Variants in A2M observed in about 807,000 individuals in gnomAD.
A2M encodes the protein C3 and PZP-like alpha-2-macroglobulin domain-containing protein 5.
A2M carries 128 observed loss-of-function variants against 183.9 expected under a neutral mutation model. The observed-to-expected ratio is 0.70, with a 90% CI of 0.60 to 0.81. The LOEUF (loss-of-function observed/expected upper bound fraction) is 0.81, where lower values mean the gene tolerates loss of function less well. Among genes scored for constraint, A2M ranks in the 30% least tolerant of loss-of-function variants. A2M has a pLI of 0.00. For missense variants in A2M, 1,495 were observed against 1,787.6 expected (o/e 0.84, Z 2.95); for synonymous variants, 592 against 670.8 (o/e 0.88, Z 1.81).
At chr12:9,074,432 C>A in intron 29 of A2M, 128 bp downstream of exon 29, 1 of 904,932 alleles carries the variant, frequency 1.1e-6, no homozygotes. Context: ...TCCTTGGATA[C>A]TGAAAACTTT....
chr12:9,080,258 G>C, intron 22 of A2M, 81 bp from the exon 23 acceptor site: 3 of 920,054 alleles, frequency 3.3e-6, no homozygotes, highest in Non-Finnish European at 5.1e-6. Context: ...CCAGAAGCTA[G>C]GACTATGCCT....
At chr12:9,070,697 C>G in intron 31 of A2M, 119 bp from the exon 32 acceptor site, 1 of 676,734 alleles carries the variant, frequency 1.5e-6, no homozygotes, top group Non-Finnish European at 2.5e-6. Flanking sequence ...TCCCAAATAT[C>G]TTATCCCAGT....
rs1462741243 is a variant in A2M at position 9,080,078 on chromosome 12, G to T, written c.2854+16C>A. 2 of 1,546,416 alleles carry T rather than the reference G, an allele frequency of 1.3e-6. No individual in the cohort carries two copies. The highest frequency in any genetic ancestry group is 2.7e-5 in the African/African-American group (2 of 72,916). Reference sequence around the variant, plus strand: ...AAGCTGTTAATGCCCGGATCCACTAGGGGCTGGAGACTCACCCAAAACTGA... The same window carrying T: ...AAGCTGTTAATGCCCGGATCCACTATGGGCTGGAGACTCACCCAAAACTGA... On this transcript the variant is annotated intron_variant, in intron 23 of 35. Coordinates refer to ENST00000318602, the MANE Select transcript of A2M (RefSeq NM_000014.6).
chr12:9,093,826 C>G (rs988250446), intron 17 of A2M, among the ~76,000 whole-genome samples: 1 of 146,744 alleles, frequency 6.8e-6, no homozygotes, highest in African/African-American at 2.7e-5. Flanking sequence ...TTTGAGAGGC[C>G]GAGGCCGAGA....
chr12:9,111,603 T>C, intron 4 of A2M: 1 of 451,648 alleles, frequency 2.2e-6, no homozygotes, highest in Non-Finnish European at 4.4e-6. Flanking sequence ...CATAATCTTT[T>C]GTCTTTGGAG....
In A2M at chr12:9,076,904, C is replaced by G. The variant is rs1336593475; in HGVS notation, c.3384G>C (p.Leu1128=). The change falls in exon 28 of 36, where the codon CTG becomes CTC. Residue 1128 remains leucine (L), a synonymous_variant. Coordinates refer to ENST00000318602, the MANE Select transcript of A2M (RefSeq NM_000014.6). Reference sequence around the variant, plus strand: ...CTTGTGCTGTCTTCCAGGCTGACTCCAGGCAAAACAGGGCATTGCGGACAA... The same window carrying G: ...CTTGTGCTGTCTTCCAGGCTGACTCGAGGCAAAACAGGGCATTGCGGACAA... ...HPVVRNALFC[L]ESAWKTAQEG... 5 of 1,607,158 alleles carry G rather than the reference C, an allele frequency of 3.1e-6. No homozygotes were observed. The Admixed American group carries it at 5.0e-5, about 16-fold the overall frequency.
chr12:9,076,094 T>C (rs1029336293), intron 28 of A2M, among the ~76,000 whole-genome samples: 2 of 152,188 alleles, frequency 1.3e-5, no homozygotes, highest in Non-Finnish European at 2.9e-5. Context: ...TTGGTCAACA[T>C]TATTGGTCTT....
chr12:9,096,531 C>T (rs931438051), intron 15 of A2M, among the ~76,000 whole-genome samples: 3 of 152,204 alleles, frequency 2.0e-5, no homozygotes, highest in Admixed American at 6.5e-5. Flanking sequence ...TTAGTGGAAA[C>T]AAAATGCTCC....
intron 29 of A2M, among the ~76,000 whole-genome samples, chr12:9,073,507 T>C (rs1268544550): frequency 6.6e-6 from 1 of 152,224 alleles, no homozygotes; most frequent in East Asian, 1.9e-4. Flanking sequence ...CTCCTTCAAA[T>C]AATATGTTTC....
At position 9,109,449 on chromosome 12, in the gene A2M, T is replaced by C. The variant is rs780109848; in HGVS notation, c.674-44A>G. On this transcript the variant is annotated intron_variant, in intron 6 of 35. Coordinates refer to ENST00000318602, the MANE Select transcript of A2M (RefSeq NM_000014.6). ...GAAGGTTGGTGATTGGTTTTCAACT[T>C]TGGGGGAATTCCTATTTTCAGGTTC... is the stretch of plus-strand genomic sequence containing the variant. 14 of 1,470,304 alleles carry C rather than the reference T, an allele frequency of 9.5e-6. 1 individual carries two copies. The African/African-American group carries it at 1.7e-4, about 17-fold the overall frequency. 91.1% of individuals were successfully genotyped at this position (1,470,304 alleles called of 1,614,324 possible). A position where few individuals can be genotyped will look rare whatever the true frequency, so the allele number is the denominator to read the frequency against.
intron 23 of A2M, 55 bp from the exon 24 acceptor site, chr12:9,079,870 A>G: frequency 1.4e-6 from 2 of 1,434,850 alleles, no homozygotes; most frequent in South Asian, 3.3e-5. Flanking sequence ...CATCTATCAA[A>G]GTCATTAAGC....
At chr12:9,103,774 T>C (rs1212994896) in intron 11 of A2M, among the ~76,000 whole-genome samples, 1 of 152,210 alleles carries the variant, frequency 6.6e-6, no homozygotes, top group African/African-American at 2.4e-5. Flanking sequence ...TAATATTCTG[T>C]TGTATTTATA....
intron 7 of A2M, 82 bp downstream of exon 7, chr12:9,109,239 C>G (rs966737151): frequency 5.2e-6 from 6 of 1,144,964 alleles, no homozygotes; most frequent in Non-Finnish European, 7.7e-6. Context: ...CCACTGCTCC[C>G]GGAGAGAGTA....
chr12:9,083,460 C>A (rs1392778383), intron 22 of A2M, among the ~76,000 whole-genome samples: 6 of 150,990 alleles, frequency 4.0e-5, no homozygotes, highest in African/African-American at 1.2e-4. Flanking sequence ...TAGAAACAAT[C>A]AAAAAGAAAC....
At chr12:9,107,412 A>G in intron 8 of A2M, 112 bp downstream of exon 8, 1 of 1,301,028 alleles carries the variant, frequency 7.7e-7, no homozygotes, top group Non-Finnish European at 1.0e-6. Context: ...AATAGCCAAC[A>G]TGGAATTCTC....
intron 28 of A2M, 37 bp from the exon 29 acceptor site, chr12:9,074,820 A>G: frequency 6.5e-7 from 1 of 1,545,964 alleles, no homozygotes; most frequent in Non-Finnish European, 8.7e-7. Flanking sequence ...AAGTGCCTAC[A>G]TATTTATATT....
rs1478250854 is a variant in A2M at position 9,077,348 on chromosome 12, T to G, written c.3349A>C (p.Thr1117Pro). 12 of 1,612,658 alleles carry G rather than the reference T, an allele frequency of 7.4e-6. No homozygotes were observed. Among genetic ancestry groups the G allele is most frequent in the Non-Finnish European group, 1.0e-5 (12 of 1,179,264 alleles). The part of the protein sequence containing the change: ...IALLEIPLTV[T>P]HPVVRNALFC... ...CAGAGGAATGGGGTGGTACCTACAG[T>G]GACTGTGAGAGGAATCTCCAGAAGG... The change falls in exon 27 of 36, where the codon ACT becomes CCT. Residue 1117 changes from threonine to proline, a missense_variant and splice_region_variant. Coordinates refer to ENST00000318602, the MANE Select transcript of A2M (RefSeq NM_000014.6).
At position 9,069,831 on chromosome 12, in the gene A2M, A is replaced by T. The variant is rs748023058; in HGVS notation, c.4195-18T>A. 1 of 1,611,970 alleles carries T rather than the reference A, an allele frequency of 6.2e-7. No individual in the cohort carries two copies. The highest frequency in any genetic ancestry group is 1.1e-5 in the South Asian group (1 of 90,972). On this transcript the variant is annotated intron_variant, in intron 32 of 35. Coordinates refer to ENST00000318602, the MANE Select transcript of A2M (RefSeq NM_000014.6). Reference sequence around the variant, plus strand: ...CTTTCAAGCTGAAGAAAATTGAAATACCACAAATGTTAATAAATAGATGAA... The same window carrying T: ...CTTTCAAGCTGAAGAAAATTGAAATTCCACAAATGTTAATAAATAGATGAA...
At chr12:9,084,569 A>G (rs902196170) in intron 22 of A2M, among the ~76,000 whole-genome samples, 2 of 152,138 alleles carry the variant, frequency 1.3e-5, no homozygotes, top group African/African-American at 4.8e-5. Flanking sequence ...AAAAGATTCA[A>G]ATCATACCAC....
Sources: allele counts gnomAD v4.1 joint callset (sites outside exome capture counted in the v4.1 genomes callset), GRCh38; gene constraint gnomAD v4.1.1; transcripts MANE v1.5; gene names NCBI Gene and HGNC (gene_info 2026-07-23, HGNC 2026-07-21).